MIF4GD: variants seen among roughly 807,000 people sequenced by gnomAD.
MIF4GD encodes the protein MIF4G domain-containing protein.
In MIF4GD, 22 loss-of-function variants were observed where a neutral mutation model predicts 26.7. That is an observed-to-expected ratio of 0.82 (90% CI 0.59 to 1.18). MIF4GD has a LOEUF of 1.18. Ranked by LOEUF, MIF4GD falls within the 50% of genes most tolerant of loss-of-function variation. The pLI is 0.00. For missense variants in MIF4GD, 262 were observed against 279.6 expected, an observed-to-expected ratio of 0.94 and a Z score of 0.45; for synonymous variants, 137 against 111.6, an observed-to-expected ratio of 1.23 and a Z score of -1.43.
Position 75,270,650 on chromosome 17 carries a change from C to T in MIF4GD, c.-50-405G>A, listed in dbSNP as rs1217188700. 1 of 170,780 alleles carries T rather than the reference C, an allele frequency of 5.9e-6. No individual in the cohort carries two copies. The highest frequency in any genetic ancestry group is 1.3e-5 in the Non-Finnish European group (1 of 78,906). The allele number at this position is 170,780 out of a possible 1,614,324, so 10.6% of individuals were successfully genotyped here. On this transcript the variant is annotated intron_variant, in intron 1 of 5. Coordinates refer to ENST00000325102, the MANE Select transcript of MIF4GD (RefSeq NM_001370592.1). This position sits in a 1 kb window ranked among gnomAD's most constrained non-coding sequence, Gnocchi z 5.7. ...AGGCTGGGAACTCCAAGCGGTGCGA[C>T]TCTGTCCCCAGCAGGTCTCCGAGCC... is the stretch of plus-strand genomic sequence containing the variant.
At position 75,266,910 on chromosome 17, in the gene MIF4GD, C is replaced by G; in HGVS notation, c.499G>C (p.Gly167Arg). The G allele has an allele frequency of 6.2e-7, 1 of 1,614,150 alleles. No homozygotes were observed. Among genetic ancestry groups the G allele is most frequent in the Non-Finnish European group, 8.5e-7 (1 of 1,180,034 alleles). The change falls in exon 6 of 6, where the codon GGG (glycine) becomes CGG (arginine). Residue 167 changes from glycine to arginine, a missense_variant. Gly to Arg is a moderately radical substitution (Grantham distance 125, BLOSUM62 -2). Coordinates refer to ENST00000325102, the MANE Select transcript of MIF4GD (RefSeq NM_001370592.1). ...RVGEQLEKMN[G>R]QRMDELFVLI... ...ACAAAGAGCTCATCCATGCGCTGCCCATTCATTTTCTCCAGCTGCTCCCCA... is the reference window on the plus strand; with the variant it reads ...ACAAAGAGCTCATCCATGCGCTGCCGATTCATTTTCTCCAGCTGCTCCCCA...
Position 75,269,548 on chromosome 17 carries a change from C to CTTT in MIF4GD, c.82+563_82+565dup, listed in dbSNP as rs547476219. 1.8e-3 allele frequency: 1,002 copies of CTTT among 558,036 alleles called. 19 individuals are homozygous for CTTT. Among genetic ancestry groups the CTTT allele is most frequent in the African/African-American group, 7.6e-3 (226 of 29,714 alleles). The allele number at this position is 558,036 out of a possible 1,614,324, so 34.6% of individuals were successfully genotyped here. Reference sequence around the variant, plus strand: ...CCGTGTTCTTTTTTTTATGGTTAAACTTTTTTTTTTTTTTTTTTTTTTTTT... The same window carrying CTTT: ...CCGTGTTCTTTTTTTTATGGTTAAACTTTTTTTTTTTTTTTTTTTTTTTTTTTT... On this transcript the variant is annotated intron_variant, in intron 2 of 5. Coordinates refer to ENST00000325102, the MANE Select transcript of MIF4GD (RefSeq NM_001370592.1).
chr17:75,267,463 TGGG>T, intron 5 of MIF4GD, 72 bp downstream of exon 5: 1 of 1,444,060 alleles, frequency 6.9e-7, no homozygotes, highest in South Asian at 1.2e-5. Context: ...CCGTGAGCAG[TGGG>T]CTGACACACG....
intron 2 of MIF4GD, chr17:75,269,210 C>T: frequency 1.1e-6 from 1 of 895,690 alleles, no homozygotes; most frequent in Non-Finnish European, 1.7e-6. Flanking sequence ...GACATGCCTC[C>T]AACAGCAATT....
Position 75,267,602 on chromosome 17 carries a change from A to C in MIF4GD, c.377T>G (p.Val126Gly). 6.2e-7 allele frequency: 1 copy of C among 1,614,210 alleles called. No individual in the cohort carries two copies. The highest frequency in any genetic ancestry group is 8.5e-7 in the Non-Finnish European group (1 of 1,180,036). The change falls in exon 5 of 6, where the codon GTG becomes GGG. Residue 126 changes from valine to glycine, a missense_variant. Transcript: ENST00000325102. The stretch of plus-strand genomic sequence containing the variant: ...GAAGAGGCAGTCATAGACAGGGTTC[A>C]CCAGGGCCATCATGGGCATGTTGTT... ...RVNNMPMMAL[V>G]NPVYDCLFRL...
intron 2 of MIF4GD, among the ~76,000 whole-genome samples, chr17:75,268,958 C>T (rs529495435): frequency 6.6e-6 from 1 of 151,826 alleles, no homozygotes; most frequent in East Asian, 1.9e-4. Context: ...GAGCCAAGAT[C>T]GTGCCATTGC....
Position 75,270,642 on chromosome 17 carries a change from C to G in MIF4GD, c.-50-397G>C. Reference sequence around the variant, plus strand: ...TGAGGGCCAGGCTGGGAACTCCAAGCGGTGCGACTCTGTCCCCAGCAGGTC... The same window carrying G: ...TGAGGGCCAGGCTGGGAACTCCAAGGGGTGCGACTCTGTCCCCAGCAGGTC... On this transcript the variant is annotated intron_variant, in intron 1 of 5. Transcript: ENST00000325102. The surrounding 1 kb of genome is among the most constrained non-coding windows in gnomAD (Gnocchi z 5.7). 1 of 174,920 alleles carries G rather than the reference C, an allele frequency of 5.7e-6. No individual in the cohort carries two copies. Among genetic ancestry groups the G allele is most frequent in the Non-Finnish European group, 1.2e-5 (1 of 81,276 alleles). The allele number at this position is 174,920 out of a possible 1,614,324, so 10.8% of individuals were successfully genotyped here.
intron 2 of MIF4GD, among the ~76,000 whole-genome samples, chr17:75,268,977 T>C (rs1320795070): frequency 6.6e-6 from 1 of 151,844 alleles, no homozygotes; most frequent in African/African-American, 2.4e-5. Context: ...GCACTCCAGC[T>C]TGGGCAAGAA....
rs756851251 is a variant in MIF4GD at position 75,268,115 on chromosome 17, C to A, written c.160G>T (p.Glu54Ter). ...ATGGCGTAGCACATGCGTCCTGCTT[C>A]CTTGCTGAACACACAGTCCTGCAGA... ...HSLQDCVFSK[E>*]AGRMCYAIIQ... The change falls in exon 3 of 6, where the codon GAA (glutamate) becomes TAA (stop). Residue 54 changes from glutamate to a stop codon, truncating the protein, a stop_gained. Coordinates refer to ENST00000325102, the MANE Select transcript of MIF4GD (RefSeq NM_001370592.1). LOFTEE classifies it high-confidence loss of function. 6.2e-7 allele frequency: 1 copy of A among 1,614,244 alleles called. No homozygotes were observed. Among genetic ancestry groups the A allele is most frequent in the Non-Finnish European group, 8.5e-7 (1 of 1,180,034 alleles).
chr17:75,266,801 G>A lies in MIF4GD; in HGVS notation c.608C>T (p.Ala203Val). The part of the protein sequence containing the change: ...LLLLEIIEFR[A>V]AGWKTTPAAH... Reference sequence around the variant, plus strand: ...AGCTGGCGTTGTCTTCCAGCCGGCCGCCCGGAACTCAATGATCTCCAGCAG... The same window carrying A: ...AGCTGGCGTTGTCTTCCAGCCGGCCACCCGGAACTCAATGATCTCCAGCAG... The change falls in exon 6 of 6, where the codon GCG becomes GTG. Residue 203 changes from alanine to valine, a missense_variant. Transcript: ENST00000325102. 8.1e-6 allele frequency: 13 copies of A among 1,614,186 alleles called. No homozygotes were observed. The highest frequency in any genetic ancestry group is 2.2e-5 in the East Asian group (1 of 44,886).
chr17:75,266,845 G>A lies in MIF4GD; in HGVS notation c.564C>T (p.Ser188=). Residue 188 remains serine (S), a synonymous_variant, in exon 6 of 6, where the codon AGC becomes AGT. Coordinates refer to ENST00000325102, the MANE Select transcript of MIF4GD (RefSeq NM_001370592.1). ...RDGFLLPTGL[S]SLAQLLLLEI... is the part of the protein sequence containing the mutation. ...CCAGCAGCAGCAGCTGGGCCAGGGA[G>A]CTGAGGCCAGTTGGGAGCAGGAAGC... 6.2e-7 allele frequency: 1 copy of A among 1,614,216 alleles called. No individual in the cohort carries two copies. Among genetic ancestry groups the A allele is most frequent in the Non-Finnish European group, 8.5e-7 (1 of 1,180,034 alleles).
chr17:75,266,811 CAAT>C lies in MIF4GD; in HGVS notation c.595_597del (p.Ile199del). On this transcript the variant is annotated inframe_deletion, in exon 6 of 6. Transcript: ENST00000325102. ...GTCTTCCAGCCGGCCGCCCGGAACTCAATGATCTCCAGCAGCAGCAGCTGGGCC... is the reference window on the plus strand; with the variant it reads ...GTCTTCCAGCCGGCCGCCCGGAACTCGATCTCCAGCAGCAGCAGCTGGGCC... 1.9e-6 allele frequency: 3 copies of C among 1,614,202 alleles called. No homozygotes were observed. The highest frequency in any genetic ancestry group is 2.5e-6 in the Non-Finnish European group (3 of 1,180,038).
Position 75,266,408 on chromosome 17 carries a change from A to C in MIF4GD, c.*332T>G. ...CTCTGCCTCCACCCCTTGACATCCC[A>C]AAATATCCCACCAGTGGCTATGCTT... On this transcript the variant is annotated 3_prime_UTR_variant, in exon 6 of 6. Transcript: ENST00000325102. 2.4e-6 allele frequency: 1 copy of C among 417,724 alleles called. No homozygotes were observed. The highest frequency in any genetic ancestry group is 4.5e-6 in the Non-Finnish European group (1 of 223,232). 25.9% of individuals were successfully genotyped at this position (417,724 alleles called of 1,614,324 possible). A position where few individuals can be genotyped will look rare whatever the true frequency, so the allele number is the denominator to read the frequency against.
At position 75,270,714 on chromosome 17, in the gene MIF4GD, C is replaced by T. The variant is rs1181100870; in HGVS notation, c.-51+430G>A. On this transcript the variant is annotated intron_variant, in intron 1 of 5. Coordinates refer to ENST00000325102, the MANE Select transcript of MIF4GD (RefSeq NM_001370592.1). This position sits in a 1 kb window ranked among gnomAD's most constrained non-coding sequence, Gnocchi z 5.7. ...CTCTCTTTCTGGCTTTCGCCGAGTCCTTCGGTCTCAACACCCGCCGCTGCA... is the reference window on the plus strand; with the variant it reads ...CTCTCTTTCTGGCTTTCGCCGAGTCTTTCGGTCTCAACACCCGCCGCTGCA... The T allele has an allele frequency of 6.4e-6, 1 of 156,306 alleles. No individual in the cohort carries two copies. The highest frequency in any genetic ancestry group is 1.4e-5 in the Non-Finnish European group (1 of 70,438). 9.7% of individuals were successfully genotyped at this position (156,306 alleles called of 1,614,324 possible).
At chr17:75,268,306 A>T (rs1343431033) in intron 2 of MIF4GD, 114 bp from the exon 3 acceptor site, 2 of 786,666 alleles carry the variant, frequency 2.5e-6, no homozygotes, top group Non-Finnish European at 4.4e-6. Context: ...TTGAAGTGAA[A>T]GAGATCAGAA....
In MIF4GD at chr17:75,270,373, G is replaced by T; in HGVS notation, c.-50-128C>A. 1 of 603,234 alleles carries T rather than the reference G, an allele frequency of 1.7e-6. No individual in the cohort carries two copies. The highest frequency in any genetic ancestry group is 2.9e-5 in the East Asian group (1 of 34,978). 37.4% of individuals were successfully genotyped at this position (603,234 alleles called of 1,614,324 possible). Reference sequence around the variant, plus strand: ...TCCTGGGCGGTCCGTGGCGTGCGGTGGTTGGCTGAAGGCCCACCAGGCTTG... The same window carrying T: ...TCCTGGGCGGTCCGTGGCGTGCGGTTGTTGGCTGAAGGCCCACCAGGCTTG... On this transcript the variant is annotated intron_variant, in intron 1 of 5. Coordinates refer to ENST00000325102, the MANE Select transcript of MIF4GD (RefSeq NM_001370592.1). This position sits in a 1 kb window ranked among gnomAD's most constrained non-coding sequence, Gnocchi z 5.7.
chr17:75,270,304 C>T lies in MIF4GD; in HGVS notation c.-50-59G>A. 1.0e-6 allele frequency: 1 copy of T among 973,814 alleles called. No homozygotes were observed. Among genetic ancestry groups the T allele is most frequent in the African/African-American group, 1.6e-5 (1 of 62,368 alleles). The allele number at this position is 973,814 out of a possible 1,614,324, so 60.3% of individuals were successfully genotyped here. On this transcript the variant is annotated intron_variant, in intron 1 of 5. Transcript: ENST00000325102. The surrounding 1 kb of genome is among the most constrained non-coding windows in gnomAD (Gnocchi z 5.7). Reference sequence around the variant, plus strand: ...TGTGGAGCGCAGGGCGGGTTCCGTCCTGCAGGCCCTGGACGGGGCTGACGG... The same window carrying T: ...TGTGGAGCGCAGGGCGGGTTCCGTCTTGCAGGCCCTGGACGGGGCTGACGG...
At chr17:75,269,302 G>A in intron 2 of MIF4GD, 1 of 1,608,864 alleles carries the variant, frequency 6.2e-7, no homozygotes, top group Non-Finnish European at 8.5e-7. Context: ...AACAGGCTCG[G>A]CTTGACACAT....
rs760625424 is a variant in MIF4GD, at chr17:75,267,868, G to A, written c.226C>T (p.Arg76Ter). The stretch of plus-strand genomic sequence containing the variant: ...TGCAGCCGGTTGAGGAGTCCACGTC[G>A]GAAGACACTCTGGCCTGCTTGTTTA... ...ESKQAGQSVF[R>*]RGLLNRLQQE... The change falls in exon 4 of 6, where the codon CGA (arginine) becomes TGA (stop). Residue 76 changes from arginine (R) to a stop codon, truncating the protein, a stop_gained. Coordinates refer to ENST00000325102, the MANE Select transcript of MIF4GD (RefSeq NM_001370592.1). LOFTEE classifies it high-confidence loss of function. 1.1e-5 allele frequency: 18 copies of A among 1,613,540 alleles called. No individual in the cohort carries two copies. Among genetic ancestry groups the A allele is most frequent in the Admixed American group, 3.3e-5 (2 of 59,992 alleles).
Sources: allele counts gnomAD v4.1 joint callset (sites outside exome capture counted in the v4.1 genomes callset), GRCh38; gene constraint gnomAD v4.1.1; non-coding constraint Gnocchi (gnomAD v3.1); transcripts MANE v1.5; gene names NCBI Gene and HGNC (gene_info 2026-07-23, HGNC 2026-07-21).